The following EPN1 variants were observed in gnomAD, a reference collection of about 807,000 sequenced individuals.
EPN1 encodes the protein epsin-1.
In EPN1, 25 loss-of-function variants were observed where a neutral mutation model predicts 56.9. That is an observed-to-expected ratio of 0.44 (90% CI 0.32 to 0.61). The LOEUF is 0.61. Among genes scored for constraint, EPN1 ranks in the 20% least tolerant of loss-of-function variants. The pLI is 0.05. For synonymous variants in EPN1, 411 were observed against 361.8 expected, an observed-to-expected ratio of 1.14 and a Z score of -1.54; for missense variants, 785 against 823.7, an observed-to-expected ratio of 0.95 and a Z score of 0.58.
rs1409566209 is a variant in EPN1 at position 55,695,373 on chromosome 19, GC to G, written c.*19del. On this transcript the variant is annotated 3_prime_UTR_variant, in exon 11 of 11. Transcript: ENST00000270460. This position sits in a 1 kb window ranked among gnomAD's most constrained non-coding sequence, Gnocchi z 4.4. ...CTCCTATAATCCAGGGCGGAAGGGG[GC>G]CTGGCTCCATCCGGCTGCCCCATTC... 2.2e-6 allele frequency: 3 copies of G among 1,380,512 alleles called. No homozygotes were observed. The East Asian group carries it at 7.5e-5, about 34-fold the overall frequency. 85.5% of individuals were successfully genotyped at this position (1,380,512 alleles called of 1,614,324 possible). A position where few individuals can be genotyped will look rare whatever the true frequency, so the allele number is the denominator to read the frequency against.
In EPN1 at chr19:55,694,828, C is replaced by A. The variant is rs572398890; in HGVS notation, c.1367C>A (p.Pro456Gln). The A allele has an allele frequency of 1.2e-4, 200 of 1,609,498 alleles. No homozygotes were observed. The highest frequency in any genetic ancestry group is 2.5e-4 in the Admixed American group (15 of 59,574). The change falls in exon 10 of 11, where the codon CCA becomes CAA. Residue 456 changes from proline (P) to glutamine (Q), a missense_variant. By Grantham distance (76) the Pro-to-Gln change is moderately conservative (BLOSUM62 -1). Coordinates refer to ENST00000270460, the MANE Select transcript of EPN1 (RefSeq NM_001130072.2). The surrounding 1 kb of genome is among the most constrained non-coding windows in gnomAD (Gnocchi z 4.2). ...CTGGCTGAGGCTGTGGGCAGCCCCCCACCTGCAGCCACACCAACTCCCACG... is the reference window on the plus strand; with the variant it reads ...CTGGCTGAGGCTGTGGGCAGCCCCCAACCTGCAGCCACACCAACTCCCACG... The part of the protein sequence containing the change: ...GSLAEAVGSP[P>Q]PAATPTPTPP...
intron 3 of EPN1, 26 bp downstream of exon 3, chr19:55,685,671 C>T (rs368105121): frequency 4.2e-5 from 66 of 1,573,364 alleles, no homozygotes; most frequent in East Asian, 2.6e-4. Context: ...CGGCCCCTGA[C>T]GGCCTAGAGT....
At chr19:55,679,780 C>T (rs1228198831) in intron 2 of EPN1, among the ~76,000 whole-genome samples, 1 of 152,154 alleles carries the variant, frequency 6.6e-6, no homozygotes, top group Non-Finnish European at 1.5e-5. Context: ...CATACCCATC[C>T]CGACACACCA....
chr19:55,677,343 G>T, intron 1 of EPN1: 6 of 725,074 alleles, frequency 8.3e-6, no homozygotes, highest in South Asian at 3.1e-5. Flanking sequence ...TTAAAACAGT[G>T]CCTGGCATGG....
At chr19:55,679,492 C>T (rs1985663982) in intron 2 of EPN1, among the ~76,000 whole-genome samples, 2 of 152,352 alleles carry the variant, frequency 1.3e-5, no homozygotes, top group East Asian at 3.9e-4. Context: ...GGGGCAGGGG[C>T]TGGTGAGTGT....
intron 3 of EPN1, among the ~76,000 whole-genome samples, chr19:55,688,322 C>G (rs1394239833): frequency 6.6e-6 from 1 of 152,034 alleles, no homozygotes; most frequent in African/African-American, 2.4e-5. Context: ...TTCCTGTGTC[C>G]TCTCTCTCCC....
At position 55,700,395 on chromosome 19, in the gene EPN1, T is replaced by TCAGCCTCCCAAGTAGC; in HGVS notation, c.*5039_*5040insCAGCCTCCCAAGTAGC. On this transcript the variant is annotated 3_prime_UTR_variant, in exon 11 of 11. Transcript: ENST00000270460. ...CCCGGGTTCAAGCGATTCTCCTGAC[T>TCAGCCTCCCAAGTAGC]TGGGACTACAGGTGCGTGCGACCAC... is the stretch of plus-strand genomic sequence containing the variant. 1.3e-5 allele frequency: 2 copies of TCAGCCTCCCAAGTAGC among 150,584 alleles called. No homozygotes were observed. The highest frequency in any genetic ancestry group is 5.0e-5 in the African/African-American group (2 of 39,698). The allele number at this position is 150,584 out of a possible 1,614,324, so 9.3% of individuals were successfully genotyped here.
At chr19:55,677,761 T>G (rs1213117668) in intron 1 of EPN1, 1 of 1,502,548 alleles carries the variant, frequency 6.7e-7, no homozygotes, top group African/African-American at 1.4e-5. Flanking sequence ...TGCCTCTGTC[T>G]TTAATCCCTT....
At chr19:55,677,582 G>T (rs1222254663) in intron 1 of EPN1, 2 of 1,548,180 alleles carry the variant, frequency 1.3e-6, no homozygotes, top group African/African-American at 2.7e-5. Context: ...GTTGAAAAAG[G>T]TAATGTCCCT....
Position 55,708,788 on chromosome 19 carries a change from G to T in EPN1, c.*13432G>T. On this transcript the variant is annotated 3_prime_UTR_variant, in exon 11 of 11. Transcript: ENST00000270460. Reference sequence around the variant, plus strand: ...ATAATCATATTGCTAGAACACTTAGGGAGTACCTCTGAAATCACAGCCCTG... The same window carrying T: ...ATAATCATATTGCTAGAACACTTAGTGAGTACCTCTGAAATCACAGCCCTG... The T allele has an allele frequency of 3.2e-6, 2 of 630,492 alleles. No homozygotes were observed. Among genetic ancestry groups the T allele is most frequent in the South Asian group, 2.7e-5 (1 of 37,382 alleles). The allele number at this position is 630,492 out of a possible 1,614,324, so 39.1% of individuals were successfully genotyped here. A position where few individuals can be genotyped will look rare whatever the true frequency, so the allele number is the denominator to read the frequency against.
Position 55,707,210 on chromosome 19 carries a change from T to C in EPN1, c.*11854T>C, listed in dbSNP as rs1412248796. The C allele has an allele frequency of 6.8e-6, 1 of 146,950 alleles. No individual in the cohort carries two copies. The highest frequency in any genetic ancestry group is 2.0e-4 in the East Asian group (1 of 5,062). The allele number at this position is 146,950 out of a possible 1,614,324, so 9.1% of individuals were successfully genotyped here. ...AAAAAAAAAAAAAAAGGAACGGTAG[T>C]GTGCACCTGTGGTCCCAGCTACACA... On this transcript the variant is annotated 3_prime_UTR_variant, in exon 11 of 11. Coordinates refer to ENST00000270460, the MANE Select transcript of EPN1 (RefSeq NM_001130072.2).
Position 55,707,312 on chromosome 19 carries a change from A to T in EPN1, c.*11956A>T, listed in dbSNP as rs1239208279. The T allele has an allele frequency of 2.0e-5, 3 of 152,266 alleles. No homozygotes were observed. The highest frequency in any genetic ancestry group is 4.4e-5 in the Non-Finnish European group (3 of 68,074). 9.4% of individuals were successfully genotyped at this position (152,266 alleles called of 1,614,324 possible). On this transcript the variant is annotated 3_prime_UTR_variant, in exon 11 of 11. Transcript: ENST00000270460. ...AGCTATGATGGCACCACTGCCCTCC[A>T]GACTGAGCCAAAAAGCAGACCCTGA...
rs1987484924 is a variant in EPN1, at chr19:55,707,536, A to G, written c.*12180A>G. On this transcript the variant is annotated 3_prime_UTR_variant, in exon 11 of 11. Transcript: ENST00000270460. ...TAAGAGTGCTGATCTCATCACAGAC[A>G]TAGCCAGCTCTTCAGTTCAGACCAC... 1 of 154,226 alleles carries G rather than the reference A, an allele frequency of 6.5e-6. No individual in the cohort carries two copies. The highest frequency in any genetic ancestry group is 1.5e-5 in the Non-Finnish European group (1 of 68,244). 9.6% of individuals were successfully genotyped at this position (154,226 alleles called of 1,614,324 possible).
rs776278537 is a variant in EPN1, at chr19:55,694,679, C to T, written c.1265-47C>T. The T allele has an allele frequency of 1.3e-6, 2 of 1,513,858 alleles. No homozygotes were observed. The highest frequency in any genetic ancestry group is 2.7e-5 in the South Asian group (2 of 74,200). The allele number at this position is 1,513,858 out of a possible 1,614,324, so 93.8% of individuals were successfully genotyped here. The stretch of plus-strand genomic sequence containing the variant: ...GCCTATACTGCTCCCGGGTTGGAGC[C>T]TCACTGCTGTCTGCCCTGTCTGAGC... On this transcript the variant is annotated intron_variant, in intron 9 of 10. Coordinates refer to ENST00000270460, the MANE Select transcript of EPN1 (RefSeq NM_001130072.2). This position sits in a 1 kb window ranked among gnomAD's most constrained non-coding sequence, Gnocchi z 4.2.
rs1168079184 is a variant in EPN1, at chr19:55,691,169, G to A, written c.763-585G>A. 6.6e-6 allele frequency among the ~76,000 whole-genome samples: 1 copy of A among 152,114 alleles called. No individual in the cohort carries two copies. The highest frequency in any genetic ancestry group is 1.5e-5 in the Non-Finnish European group (1 of 68,018). ...TGCGGCATGGGAAGACCTGCAGTGCGATGACTGCGGGGTGACAGTGGGGCA... is the reference window on the plus strand; with the variant it reads ...TGCGGCATGGGAAGACCTGCAGTGCAATGACTGCGGGGTGACAGTGGGGCA... On this transcript the variant is annotated intron_variant, in intron 6 of 10. Transcript: ENST00000270460. The surrounding 1 kb of genome is among the most constrained non-coding windows in gnomAD (Gnocchi z 5.6).
chr19:55,691,817 T>TG lies in EPN1; in HGVS notation c.833dup (p.Ala280SerfsTer27), dbSNP rs755604942. ...AGCTCCTGCCCCGACCACAGACCCC[T>TG]GGGGGGGCCCAGCACCCATGGCTGC... On this transcript the variant is annotated frameshift_variant, in exon 7 of 11. Transcript: ENST00000270460. LOFTEE classifies it high-confidence loss of function. The surrounding 1 kb of genome is among the most constrained non-coding windows in gnomAD (Gnocchi z 5.6). 5 of 1,610,442 alleles carry TG rather than the reference T, an allele frequency of 3.1e-6. No individual in the cohort carries two copies.
chr19:55,678,389 G>T lies in EPN1; in HGVS notation c.-101-138G>T. 3.3e-6 allele frequency: 3 copies of T among 909,356 alleles called. No homozygotes were observed. In the South Asian group the frequency reaches 5.3e-5, roughly 16 times the overall value. 56.3% of individuals were successfully genotyped at this position (909,356 alleles called of 1,614,324 possible). A position where few individuals can be genotyped will look rare whatever the true frequency, so the allele number is the denominator to read the frequency against. On this transcript the variant is annotated intron_variant, in intron 1 of 10. Transcript: ENST00000270460. ...AGCCTGTTTGAGGAACTGAAACATG[G>T]ATGGGGTTACTTTGAGACCTAGAGG...
Position 55,693,038 on chromosome 19 carries a change from G to A in EPN1, c.1264+1G>A. Reference sequence around the variant, plus strand: ...CTGCCGACCTCCGGGAGCAGCGCAGGTGAGCCCCTGCCCTCCCCTGCCCAG... The same window carrying A: ...CTGCCGACCTCCGGGAGCAGCGCAGATGAGCCCCTGCCCTCCCCTGCCCAG... On this transcript the variant is annotated splice_donor_variant, in intron 9 of 10. Transcript: ENST00000270460. LOFTEE classifies it high-confidence loss of function. 6.2e-7 allele frequency: 1 copy of A among 1,612,340 alleles called. No homozygotes were observed. The highest frequency in any genetic ancestry group is 8.5e-7 in the Non-Finnish European group (1 of 1,178,862).
rs1986550420 is a variant in EPN1, at chr19:55,691,621, C to G, written c.763-133C>G. 1 of 750,432 alleles carries G rather than the reference C, an allele frequency of 1.3e-6. No homozygotes were observed. Among genetic ancestry groups the G allele is most frequent in the South Asian group, 1.7e-5 (1 of 59,358 alleles). 46.5% of individuals were successfully genotyped at this position (750,432 alleles called of 1,614,324 possible). On this transcript the variant is annotated intron_variant, in intron 6 of 10. Transcript: ENST00000270460. The surrounding 1 kb of genome is among the most constrained non-coding windows in gnomAD (Gnocchi z 5.6). ...TGGTGTGTTTGGGGCCTGCCTCCCTCTCACCCCTTATGGATGGCTGCTGTC... is the reference window on the plus strand; with the variant it reads ...TGGTGTGTTTGGGGCCTGCCTCCCTGTCACCCCTTATGGATGGCTGCTGTC...
Sources: allele counts gnomAD v4.1 joint callset (sites outside exome capture counted in the v4.1 genomes callset), GRCh38; gene constraint gnomAD v4.1.1; non-coding constraint Gnocchi (gnomAD v3.1); transcripts MANE v1.5; gene names NCBI Gene and HGNC (gene_info 2026-07-23, HGNC 2026-07-21).